The following VIRMA variants were observed in gnomAD, a reference collection of about 807,000 sequenced individuals.
VIRMA encodes the protein vir like m6A methyltransferase associated.
Under a neutral mutation model 182.4 loss-of-function variants are expected in VIRMA, and 65 were observed. The ratio of observed to expected loss-of-function variants is 0.36; its 90% CI spans 0.29 to 0.44. VIRMA has a LOEUF of 0.44. Among genes scored for constraint, VIRMA ranks in the 20% least tolerant of loss-of-function variants. VIRMA has a pLI of 1.00. For synonymous variants in VIRMA, 709 were observed against 743.1 expected, an observed-to-expected ratio of 0.95 and a Z score of 0.75; for missense variants, 1,752 against 2,158.1, an observed-to-expected ratio of 0.81 and a Z score of 3.73.
intron 23 of VIRMA, 95 bp from the exon 24 acceptor site, chr8:94,488,955 ACTCTATT>A: frequency 7.4e-7 from 1 of 1,360,140 alleles, no homozygotes; most frequent in Non-Finnish European, 1.0e-6. Flanking sequence ...ACCAAGAATT[ACTCTATT>A]CTCTTTTAAA....
At chr8:94,539,872 A>T (rs1284949944) in intron 2 of VIRMA, among the ~76,000 whole-genome samples, 1 of 152,178 alleles carries the variant, frequency 6.6e-6, no homozygotes, top group African/African-American at 2.4e-5. Context: ...GCTTGTTAAC[A>T]AAGCAAGTTC....
chr8:94,540,958 T>C (rs1271875953), intron 2 of VIRMA, among the ~76,000 whole-genome samples: 5 of 152,046 alleles, frequency 3.3e-5, no homozygotes, highest in Non-Finnish European at 5.9e-5. Flanking sequence ...CTAAAAAACC[T>C]AACCTCACAT....
intron 1 of VIRMA, among the ~76,000 whole-genome samples, chr8:94,550,404 G>A (rs1398717531): frequency 6.6e-6 from 1 of 150,886 alleles, no homozygotes; most frequent in Non-Finnish European, 1.5e-5. Flanking sequence ...GCCATTCTCC[G>A]GCCTCAGCCT....
rs775425901 is a variant in VIRMA, at chr8:94,492,813, C to T, written c.4647G>A (p.Lys1549=). The T allele has an allele frequency of 1.9e-6, 3 of 1,610,522 alleles. No homozygotes were observed. The highest frequency in any genetic ancestry group is 3.3e-5 in the Admixed American group (2 of 59,786). The change falls in exon 21 of 24, where the codon AAG becomes AAA. Residue 1549 remains lysine, a synonymous_variant. Coordinates refer to ENST00000297591, the MANE Select transcript of VIRMA (RefSeq NM_015496.5). ...TTTCAGAGAGTTCAATTAAGTCAAC[C>T]TTTACCTGCAGTCATAATAATGAAA... The part of the protein sequence containing the change: ...EEIDTDLDLV[K]VDLIELSEKC...
chr8:94,537,735 C>G (rs1220156931), intron 3 of VIRMA, among the ~76,000 whole-genome samples: 1 of 151,308 alleles, frequency 6.6e-6, no homozygotes, highest in African/African-American at 2.4e-5. Context: ...CTAAGTAAAC[C>G]CATTGAATGG....
chr8:94,516,681 A>G (rs1201709243), intron 10 of VIRMA, among the ~76,000 whole-genome samples: 1 of 152,226 alleles, frequency 6.6e-6, no homozygotes, highest in Non-Finnish European at 1.5e-5. Context: ...CAAATACCAG[A>G]ATACCCAACA....
At chr8:94,499,981 AG>A (rs2130276899) in intron 16 of VIRMA, among the ~76,000 whole-genome samples, 1 of 143,956 alleles carries the variant, frequency 6.9e-6, no homozygotes, top group Admixed American at 7.3e-5. Context: ...AACGATTGGG[AG>A]GCAGAGGTTG....
intron 15 of VIRMA, among the ~76,000 whole-genome samples, chr8:94,508,874 C>T (rs1814256563): frequency 6.6e-6 from 1 of 151,838 alleles, no homozygotes; most frequent in Non-Finnish European, 1.5e-5. Context: ...TGCCATTAGG[C>T]ATAGAAATCT....
At chr8:94,553,286 G>C (rs1401053611) in intron 1 of VIRMA, 99 bp downstream of exon 1, 8 of 1,200,540 alleles carry the variant, frequency 6.7e-6, no homozygotes, top group Non-Finnish European at 9.9e-6. Flanking sequence ...AGAAATTAAA[G>C]AAGCAATCTG....
intron 8 of VIRMA, among the ~76,000 whole-genome samples, chr8:94,522,639 G>A (rs970288686): frequency 6.6e-6 from 1 of 151,936 alleles, no homozygotes; most frequent in Non-Finnish European, 1.5e-5. Context: ...CGCCTACTAG[G>A]TCCTGTTGCC....
chr8:94,520,790 T>C (rs977216764), intron 8 of VIRMA, among the ~76,000 whole-genome samples: 3 of 152,212 alleles, frequency 2.0e-5, no homozygotes, highest in African/African-American at 7.2e-5. Flanking sequence ...GACTGTACTA[T>C]AGAAAAATAT....
intron 13 of VIRMA, 70 bp downstream of exon 13, chr8:94,511,115 C>T (rs750223027): frequency 1.3e-6 from 2 of 1,540,194 alleles, no homozygotes; most frequent in East Asian, 4.6e-5. Flanking sequence ...TGTTTTTTAA[C>T]AAAATCACTG....
chr8:94,522,995 G>A (rs1814827361), intron 8 of VIRMA, among the ~76,000 whole-genome samples: 2 of 151,820 alleles, frequency 1.3e-5, no homozygotes, highest in South Asian at 4.2e-4. Flanking sequence ...CATATGGTGG[G>A]AAAAAAACAC....
intron 1 of VIRMA, among the ~76,000 whole-genome samples, chr8:94,553,103 T>C (rs1816063704): frequency 6.6e-6 from 1 of 151,838 alleles, no homozygotes; most frequent in South Asian, 2.1e-4. Context: ...CTGATCCTTC[T>C]CAAGGCCCAA....
intron 8 of VIRMA, 50 bp downstream of exon 8, chr8:94,526,173 G>T: frequency 7.2e-7 from 1 of 1,397,798 alleles, no homozygotes; most frequent in Non-Finnish European, 9.8e-7. Flanking sequence ...ACATAAAATT[G>T]TCTCCAATGA....
intron 8 of VIRMA, among the ~76,000 whole-genome samples, chr8:94,524,808 A>G (rs1042342176): frequency 6.6e-6 from 1 of 152,188 alleles, no homozygotes; most frequent in African/African-American, 2.4e-5. Context: ...TTTGCAATCT[A>G]TGTTACAAAA....
chr8:94,515,098 C>CTTTT, intron 10 of VIRMA, 147 bp from the exon 11 acceptor site: 1 of 314,830 alleles, frequency 3.2e-6, no homozygotes, highest in Non-Finnish European at 5.7e-6. Flanking sequence ...GCATCTAATT[C>CTTTT]TTTTTTTTTT....
intron 8 of VIRMA, among the ~76,000 whole-genome samples, chr8:94,523,080 A>G (rs1325550681): frequency 6.6e-6 from 1 of 152,206 alleles, no homozygotes; most frequent in Non-Finnish European, 1.5e-5. Flanking sequence ...TAAAGTTGTT[A>G]GTAAGAAGTA....
intron 13 of VIRMA, 58 bp downstream of exon 13, chr8:94,511,127 C>T (rs780060604): frequency 6.4e-7 from 1 of 1,555,364 alleles, no homozygotes; most frequent in Non-Finnish European, 8.6e-7. Flanking sequence ...AAATCACTGG[C>T]TTTTTAAAAA....
Sources: gnomAD v4.1 joint callset for allele counts (sites outside exome capture counted in the v4.1 genomes callset) on GRCh38, gnomAD v4.1.1 for gene constraint, MANE v1.5 for transcripts, NCBI Gene and HGNC (gene_info 2026-07-23, HGNC 2026-07-21) for gene names.